Variants in SUCLG2 observed in about 807,000 individuals in gnomAD.
The protein encoded by SUCLG2 is succinate-CoA ligase GDP-forming subunit beta.
A neutral mutation model predicts 47.9 loss-of-function variants in SUCLG2; 42 were observed. The ratio of observed to expected loss-of-function variants is 0.88; its 90% CI spans 0.69 to 1.14. SUCLG2 has a LOEUF of 1.14. Among genes scored for constraint, SUCLG2 ranks in the 50% most tolerant of loss-of-function variants. The probability of loss-of-function intolerance (pLI) is 0.00; values close to 1 mark genes in which losing one functional copy is unlikely to be tolerated. For missense variants in SUCLG2, 571 were observed against 525.9 expected, an observed-to-expected ratio of 1.09 and a Z score of -0.84; for synonymous variants, 195 against 197.3, an observed-to-expected ratio of 0.99 and a Z score of 0.10.
intron 1 of SUCLG2, among the ~76,000 whole-genome samples, chr3:67,626,167 T>C (rs376565014): frequency 6.6e-6 from 1 of 151,970 alleles, no homozygotes; most frequent in East Asian, 1.9e-4. Flanking sequence ...GTAATTTTTG[T>C]ATTTTTACTA....
chr3:67,410,458 A>C (rs1313634900), intron 9 of SUCLG2, among the ~76,000 whole-genome samples: 1 of 152,184 alleles, frequency 6.6e-6, no homozygotes. Context: ...AAAGGACTGA[A>C]GGGCACAGAG....
At position 67,375,184 on chromosome 3, in the gene SUCLG2, G is replaced by C; in HGVS notation, c.*560C>G. On this transcript the variant is annotated 3_prime_UTR_variant, in exon 11 of 11. Transcript: ENST00000307227. ...TTAAATATATTTTGGAATACTCACGGATTTTTCAAACATATGTTAGAATTA... is the reference window on the plus strand; with the variant it reads ...TTAAATATATTTTGGAATACTCACGCATTTTTCAAACATATGTTAGAATTA... 1.0e-6 allele frequency: 1 copy of C among 985,632 alleles called. No homozygotes were observed. The allele number at this position is 985,632 out of a possible 1,614,324, so 61.1% of individuals were successfully genotyped here.
intron 7 of SUCLG2, among the ~76,000 whole-genome samples, chr3:67,504,456 C>A (rs546990309): frequency 1.3e-5 from 2 of 152,210 alleles, no homozygotes; most frequent in African/African-American, 4.8e-5. Flanking sequence ...TTAATTCTCA[C>A]GGAATCTTAG....
chr3:67,380,006 C>T (rs913649027), intron 10 of SUCLG2, among the ~76,000 whole-genome samples: 5 of 152,196 alleles, frequency 3.3e-5, no homozygotes, highest in African/African-American at 1.2e-4. Context: ...TACGTGCTGA[C>T]CGACGGGGTA....
chr3:67,414,664 T>G (rs1366385656), intron 9 of SUCLG2, among the ~76,000 whole-genome samples: 6 of 152,160 alleles, frequency 3.9e-5, no homozygotes, highest in Non-Finnish European at 7.4e-5. Flanking sequence ...TTAAAAACAC[T>G]AGGCTTACTA....
chr3:67,383,844 C>T (rs1477241931), intron 10 of SUCLG2, among the ~76,000 whole-genome samples: 2 of 152,090 alleles, frequency 1.3e-5, no homozygotes, highest in Non-Finnish European at 2.9e-5. Context: ...AGCAAGAACA[C>T]CTTACACTTC....
chr3:67,367,674 T>A (rs1575651548), intron 10 of SUCLG2, among the ~76,000 whole-genome samples: 1 of 152,130 alleles, frequency 6.6e-6, no homozygotes, highest in African/African-American at 2.4e-5. Context: ...AAGTGAGGAG[T>A]GTCTCCAGTT....
intron 2 of SUCLG2, among the ~76,000 whole-genome samples, chr3:67,546,634 C>G (rs1457080561): frequency 3.9e-5 from 6 of 152,208 alleles, no homozygotes; most frequent in African/African-American, 1.4e-4. Context: ...ACTCGGGAGA[C>G]TGAGGCAGAA....
At chr3:67,625,688 A>G (rs1041214237) in intron 1 of SUCLG2, among the ~76,000 whole-genome samples, 2 of 152,200 alleles carry the variant, frequency 1.3e-5, no homozygotes, top group African/African-American at 4.8e-5. Context: ...ACCCCAAGGA[A>G]GTATACCGAT....
At chr3:67,557,000 G>C (rs1559570715) in intron 2 of SUCLG2, among the ~76,000 whole-genome samples, 1 of 152,180 alleles carries the variant, frequency 6.6e-6, no homozygotes. Flanking sequence ...CAGAGACATA[G>C]GCTTGGACTG....
At chr3:67,417,132 GA>G (rs201476119) in intron 9 of SUCLG2, among the ~76,000 whole-genome samples, 5 of 150,830 alleles carry the variant, frequency 3.3e-5, no homozygotes, top group African/African-American at 1.2e-4. Flanking sequence ...CTTGTCTAGA[GA>G]AAAAAAAATA....
At chr3:67,407,565 C>G (rs1335977111) in intron 9 of SUCLG2, among the ~76,000 whole-genome samples, 2 of 152,164 alleles carry the variant, frequency 1.3e-5, no homozygotes, top group East Asian at 3.9e-4. Flanking sequence ...AGTAAGCCAG[C>G]TACTTTGCAA....
chr3:67,576,619 C>T (rs1360675294), intron 2 of SUCLG2, among the ~76,000 whole-genome samples: 6 of 152,198 alleles, frequency 3.9e-5, no homozygotes, highest in Admixed American at 2.0e-4. Flanking sequence ...GACAACTGCT[C>T]TGCTATGTAA....
downstream of SUCLG2, among the ~76,000 whole-genome samples, chr3:67,371,833 G>A (rs957438693): frequency 1.3e-5 from 2 of 152,050 alleles, no homozygotes; most frequent in Non-Finnish European, 2.9e-5. Flanking sequence ...ATCCTGACTC[G>A]CCACATGCTA....
chr3:67,620,472 G>C (rs575519579), intron 1 of SUCLG2, among the ~76,000 whole-genome samples: 1 of 150,978 alleles, frequency 6.6e-6, no homozygotes, highest in South Asian at 2.1e-4. Context: ...TTAATCCCAG[G>C]TACTCAGGAG....
Position 67,648,139 on chromosome 3 carries a change from A to G in SUCLG2, c.84+6364T>C, listed in dbSNP as rs144516041. 3.0e-4 allele frequency among the ~76,000 whole-genome samples: 46 copies of G among 152,316 alleles called. No homozygotes were observed. The East Asian group carries it at 8.5e-3, about 28-fold the overall frequency. On this transcript the variant is annotated intron_variant, in intron 1 of 10. Transcript: ENST00000307227. ...ATCTGTGCAAATGATCCCCTTTTCA[A>G]GTAACAGTAAATTGAGGCTCAGTCA...
chr3:67,397,750 C>A (rs116804776), intron 10 of SUCLG2, among the ~76,000 whole-genome samples: 2 of 152,148 alleles, frequency 1.3e-5, no homozygotes, highest in African/African-American at 4.8e-5. Context: ...GGAGGCATCA[C>A]GCTACCTCAG....
intron 9 of SUCLG2, among the ~76,000 whole-genome samples, chr3:67,416,633 T>C (rs1172397436): frequency 6.6e-6 from 1 of 152,200 alleles, no homozygotes; most frequent in Non-Finnish European, 1.5e-5. Flanking sequence ...TCAAGTGCAA[T>C]GTGAGTTAAA....
chr3:67,465,259 G>A lies in SUCLG2; in HGVS notation c.1062+30539C>T, dbSNP rs139352275. Among the ~76,000 whole-genome samples, 455 of 152,252 alleles carry A rather than the reference G, an allele frequency of 3.0e-3. 1 individual carries two copies. The highest frequency in any genetic ancestry group is 0.01 in the African/African-American group (430 of 41,532). ...AGAGGCTTACAATTTTATCCAGAAT[G>A]AATTCAAACTTCCTGATTTGGCCTG... On this transcript the variant is annotated intron_variant, in intron 9 of 10. Transcript: ENST00000307227.
Sources: gnomAD v4.1 joint callset for allele counts (sites outside exome capture counted in the v4.1 genomes callset) on GRCh38, gnomAD v4.1.1 for gene constraint, MANE v1.5 for transcripts, NCBI Gene and HGNC (gene_info 2026-07-23, HGNC 2026-07-21) for gene names.